ATP5F1A: variants seen among roughly 807,000 people sequenced by gnomAD.
ATP5F1A encodes the protein ATP synthase F1 subunit alpha, also known as ATP synthase F(1) complex subunit alpha, mitochondrial.
A neutral mutation model predicts 57.4 loss-of-function variants in ATP5F1A; 24 were observed. The ratio of observed to expected loss-of-function variants is 0.42; its 90% CI spans 0.30 to 0.59. ATP5F1A has a LOEUF of 0.59. Among genes scored for constraint, ATP5F1A ranks in the 20% least tolerant of loss-of-function variants. ATP5F1A has a pLI of 0.19. For synonymous variants in ATP5F1A, 251 were observed against 255.5 expected (o/e 0.98, Z 0.17); for missense variants, 494 against 707.9 (o/e 0.70, Z 3.43).
At chr18:46,097,857 G>A (rs957147965) in intron 1 of ATP5F1A, 6 of 1,172,010 alleles carry the variant, frequency 5.1e-6, no homozygotes, top group African/African-American at 4.8e-5. Flanking sequence ...AGGCCTCGGA[G>A]AGCTAGCGCC....
chr18:46,103,311 AAAAAG>A (rs1911339197), intron 1 of ATP5F1A, among the ~76,000 whole-genome samples: 3 of 138,746 alleles, frequency 2.2e-5, no homozygotes, highest in African/African-American at 7.5e-5. Flanking sequence ...ACTCCATCTC[AAAAAG>A]AAAAGAAAAG....
chr18:46,089,506 T>G, intron 5 of ATP5F1A, 60 bp downstream of exon 5: 1 of 1,589,050 alleles, frequency 6.3e-7, no homozygotes, highest in Admixed American at 1.7e-5. Flanking sequence ...AAGACTAAAA[T>G]ATAATCCTTC....
At position 46,087,218 on chromosome 18, in the gene ATP5F1A, A is replaced by T; in HGVS notation, c.966T>A (p.Arg322=). The change falls in exon 8 of 12, where the codon CGT becomes CGA. Residue 322 remains arginine (R), a synonymous_variant. Transcript: ENST00000398752. ...DDLSKQAVAY[R]QMSLLLRRPP... ...GTCGGCGGAGCAACAGAGACATCTG[A>T]CGGTAAGCAACAGCCTATGGTACAG... The T allele has an allele frequency of 3.7e-6, 6 of 1,614,206 alleles. No homozygotes were observed. In the South Asian group the frequency reaches 5.5e-5, roughly 15 times the overall value.
At chr18:46,094,611 G>A (rs1910809237) in intron 2 of ATP5F1A, 2 of 152,408 alleles carry the variant, frequency 1.3e-5, no homozygotes, top group Middle Eastern at 3.4e-3. Flanking sequence ...AGGTTGCAGT[G>A]AGCCGAGATC....
At chr18:46,097,877 A>C (rs1421819968) in intron 1 of ATP5F1A, 2 of 1,210,424 alleles carry the variant, frequency 1.7e-6, no homozygotes, top group Non-Finnish European at 2.1e-6. Context: ...CCAAGCCCTG[A>C]CCTTCACCCA....
chr18:46,102,826 T>C (rs1028183041), upstream of ATP5F1A, among the ~76,000 whole-genome samples: 15 of 152,106 alleles, frequency 9.9e-5, no homozygotes. Flanking sequence ...TGCACGCCTA[T>C]AGTCCCAGCT....
chr18:46,098,320 A>G (rs551396453), upstream of ATP5F1A: 118 of 1,469,890 alleles, frequency 8.0e-5, no homozygotes, highest in African/African-American at 1.5e-3. Context: ...GAAGGTCAAG[A>G]CAGCCGGCCC....
chr18:46,102,952 T>C (rs148437119), upstream of ATP5F1A, among the ~76,000 whole-genome samples: 538 of 151,962 alleles, frequency 3.5e-3, 4 homozygotes, highest in African/African-American at 0.012. Flanking sequence ...TCTCTAAAAA[T>C]AAAATAAAAT....
At chr18:46,089,453 C>A in intron 5 of ATP5F1A, 113 bp downstream of exon 5, 2 of 1,264,684 alleles carry the variant, frequency 1.6e-6, no homozygotes, top group South Asian at 1.5e-5. Context: ...TACTATTAAT[C>A]CTCGTATTAG....
rs749817204 is a variant in ATP5F1A at position 46,098,269 on chromosome 18, C to T, written c.-38G>A. 6 of 1,589,644 alleles carry T rather than the reference C, an allele frequency of 3.8e-6. No homozygotes were observed. Among genetic ancestry groups the T allele is most frequent in the African/African-American group, 2.7e-5 (2 of 74,622 alleles). ...TCCGCAGGCGGTACTTCTGCAGCCG[C>T]AGCCTCCGGACTGACTGGGACAAAA... On this transcript the variant is annotated 5_prime_UTR_variant, in exon 1 of 12. Coordinates refer to ENST00000398752, the MANE Select transcript of ATP5F1A (RefSeq NM_004046.6).
rs1166437009 is a variant in ATP5F1A, at chr18:46,087,372, G to A, written c.920C>T (p.Ala307Val). The A allele has an allele frequency of 1.9e-6, 3 of 1,614,014 alleles. No homozygotes were observed. Among genetic ancestry groups the A allele is most frequent in the African/African-American group, 2.7e-5 (2 of 74,904 alleles). The change falls in exon 7 of 12, where the codon GCT (alanine) becomes GTT (valine). Residue 307 changes from alanine (A) to valine (V), a missense_variant. Transcript: ENST00000398752. ...GGATAAGTCGTCATAGATGATCAAA[G>A]CATGTTTGCCATTGTCTCTAAAATA... The part of the protein sequence containing the change: ...GEYFRDNGKH[A>V]LIIYDDLSKQ...
At chr18:46,086,898 T>C (rs1482670346) in intron 8 of ATP5F1A, 110 bp downstream of exon 8, 2 of 1,241,070 alleles carry the variant, frequency 1.6e-6, no homozygotes, top group Non-Finnish European at 1.1e-6. Flanking sequence ...TTTTCCATAA[T>C]AAAAAGTAAA....
intron 1 of ATP5F1A, 24 bp from the exon 2 acceptor site, chr18:46,095,155 A>T (rs1304318912): frequency 1.2e-6 from 2 of 1,607,168 alleles, no homozygotes; most frequent in Non-Finnish European, 1.7e-6. Context: ...ATTCTTAAAA[A>T]TTTGATTTTT....
intron 10 of ATP5F1A, chr18:46,084,896 C>A: frequency 2.6e-6 from 1 of 389,612 alleles, no homozygotes; most frequent in Middle Eastern, 6.5e-4. Flanking sequence ...TCCATAAGCA[C>A]TGTTTATAAT....
At chr18:46,098,370 T>G, upstream of ATP5F1A, 2 of 1,247,616 alleles carry the variant, frequency 1.6e-6, no homozygotes, top group Non-Finnish European at 2.0e-6. Context: ...TCACCACCTC[T>G]CCCCCCGCCC....
At position 46,084,095 on chromosome 18, in the gene ATP5F1A, T is replaced by C. The variant is rs950907558; in HGVS notation, c.*187A>G. ...AGATCAAGAAGCATTTGCTTACCAATTTCTCAATTTGATCTTGGTTTTAAA... is the reference window on the plus strand; with the variant it reads ...AGATCAAGAAGCATTTGCTTACCAACTTCTCAATTTGATCTTGGTTTTAAA... On this transcript the variant is annotated 3_prime_UTR_variant, in exon 12 of 12. Transcript: ENST00000398752. The C allele has an allele frequency of 2.0e-6, 1 of 501,672 alleles. No homozygotes were observed. The highest frequency in any genetic ancestry group is 2.0e-5 in the African/African-American group (1 of 49,854). 31.1% of individuals were successfully genotyped at this position (501,672 alleles called of 1,614,324 possible). A position where few individuals can be genotyped will look rare whatever the true frequency, so the allele number is the denominator to read the frequency against.
intron 1 of ATP5F1A, among the ~76,000 whole-genome samples, chr18:46,103,773 G>A (rs1376759064): frequency 6.6e-6 from 1 of 152,040 alleles, no homozygotes; most frequent in African/African-American, 2.4e-5. Context: ...AATTAGCCAG[G>A]CGTGGTGGCG....
chr18:46,100,302 GGCT>G (rs1387623780), upstream of ATP5F1A, among the ~76,000 whole-genome samples: 8 of 144,928 alleles, frequency 5.5e-5, no homozygotes, highest in Non-Finnish European at 1.2e-4. Context: ...AAAAGAAAAA[GGCT>G]GTCCAAGTAA....
chr18:46,098,465 T>C (rs1231385009), upstream of ATP5F1A: 2 of 1,270,382 alleles, frequency 1.6e-6, no homozygotes, highest in Non-Finnish European at 2.0e-6. Flanking sequence ...AATGATTAGA[T>C]ATATTCCGGC....
Sources: gnomAD v4.1 joint callset for allele counts (sites outside exome capture counted in the v4.1 genomes callset) on GRCh38, gnomAD v4.1.1 for gene constraint, MANE v1.5 for transcripts, NCBI Gene and HGNC (gene_info 2026-07-23, HGNC 2026-07-21) for gene names.